The following TFB2M variants were observed in gnomAD, a reference collection of about 807,000 sequenced individuals.
TFB2M encodes the protein transcription factor B2, mitochondrial, also known as dimethyladenosine transferase 2, mitochondrial.
In TFB2M, 44 loss-of-function variants were observed where a neutral mutation model predicts 41.3. The ratio of observed to expected loss-of-function variants is 1.07; its 90% CI spans 0.84 to 1.37. TFB2M has a LOEUF of 1.37. TFB2M is among the 40% of genes most tolerant of loss of function. TFB2M has a pLI of 0.00. For missense variants in TFB2M, 496 were observed against 490.2 expected (o/e 1.01, Z -0.11); for synonymous variants, 188 against 176.8 (o/e 1.06, Z -0.50).
chr1:246,558,470 G>A (rs1659380305), intron 2 of TFB2M, among the ~76,000 whole-genome samples: 1 of 151,962 alleles, frequency 6.6e-6, no homozygotes, highest in South Asian at 2.1e-4. Context: ...TTATCATAAT[G>A]GCTTCAGCTA....
chr1:246,541,521 A>G (rs1658858749), intron 7 of TFB2M, among the ~76,000 whole-genome samples: 1 of 152,204 alleles, frequency 6.6e-6, no homozygotes, highest in South Asian at 2.1e-4. Context: ...ATAAGAAGAA[A>G]AAAAAAAGCC....
chr1:246,563,001 A>G (rs1460952030), intron 2 of TFB2M, among the ~76,000 whole-genome samples: 2 of 152,106 alleles, frequency 1.3e-5, no homozygotes, highest in Middle Eastern at 3.2e-3. Context: ...ATGTCTCCTT[A>G]GCCTTGACGG....
At chr1:246,563,002 G>A (rs1659496597) in intron 2 of TFB2M, among the ~76,000 whole-genome samples, 1 of 152,094 alleles carries the variant, frequency 6.6e-6, no homozygotes, top group South Asian at 2.1e-4. Context: ...TGTCTCCTTA[G>A]CCTTGACGGA....
At chr1:246,544,133 T>C (rs911767226) in intron 7 of TFB2M, among the ~76,000 whole-genome samples, 1 of 152,246 alleles carries the variant, frequency 6.6e-6, no homozygotes, top group Non-Finnish European at 1.5e-5. Flanking sequence ...TATCTATCCC[T>C]ACTCTGGTTA....
rs555023606 is a variant in TFB2M at position 246,561,531 on chromosome 1, G to A, written c.402+2815C>T. On this transcript the variant is annotated intron_variant, in intron 2 of 7. Transcript: ENST00000366514. ...AGCCCAGGCTGGAGTGTAATGGCAC[G>A]ATCTCGGCTCACTGCAACCTCCACC... is the stretch of plus-strand genomic sequence containing the variant. 7.9e-5 allele frequency among the ~76,000 whole-genome samples: 12 copies of A among 152,058 alleles called. No individual in the cohort carries two copies. In the South Asian group the frequency reaches 1.9e-3, roughly 24 times the overall value.
chr1:246,552,333 G>A (rs1376551400), intron 4 of TFB2M, among the ~76,000 whole-genome samples: 1 of 152,040 alleles, frequency 6.6e-6, no homozygotes, highest in Non-Finnish European at 1.5e-5. Context: ...AAACATTCTG[G>A]GCAGAAAAGA....
chr1:246,555,260 C>A (rs566560175), intron 4 of TFB2M, among the ~76,000 whole-genome samples: 3 of 152,110 alleles, frequency 2.0e-5, no homozygotes, highest in African/African-American at 7.2e-5. Context: ...GGTGCATCCA[C>A]GACGGATAAC....
intron 6 of TFB2M, among the ~76,000 whole-genome samples, chr1:246,547,109 G>C (rs1013393614): frequency 3.4e-4 from 52 of 151,260 alleles, no homozygotes; most frequent in Non-Finnish European, 5.9e-5. Flanking sequence ...TCAGCCTCCT[G>C]AGTAGCTGGG....
chr1:246,564,256 G>T (rs3120713), intron 2 of TFB2M, 90 bp downstream of exon 2: 1,132,001 of 1,132,942 alleles, frequency 1, 565,535 homozygotes, highest in East Asian at 1. Context: ...GATATTCTAT[G>T]TAAAACACTG....
chr1:246,562,509 CA>C, intron 2 of TFB2M, among the ~76,000 whole-genome samples: 1 of 152,196 alleles, frequency 6.6e-6, no homozygotes, highest in Admixed American at 6.5e-5. Context: ...AACATGAAGC[CA>C]AAAGTGGAAA....
rs750668966 is a variant in TFB2M at position 246,556,715 on chromosome 1, G to A, written c.563C>T (p.Pro188Leu). 18 of 1,560,378 alleles carry A rather than the reference G, an allele frequency of 1.2e-5. No homozygotes were observed. The highest frequency in any genetic ancestry group is 2.6e-6 in the Non-Finnish European group (3 of 1,163,924). The change falls in exon 4 of 8, where the codon CCT becomes CTT. Residue 188 changes from proline to leucine, a missense_variant. By Grantham distance (98) the Pro-to-Leu change is moderately conservative (BLOSUM62 -3). Coordinates refer to ENST00000366514, the MANE Select transcript of TFB2M (RefSeq NM_022366.3). The part of the protein sequence containing the change: ...IEAVPWTADI[P>L]LKVVGMFPSR... ...TGGGAACATTCCAACTACTTTTAAA[G>A]GGATGTCTGTTAGGAATATAAGCAA...
At chr1:246,557,661 G>GT (rs990898420) in intron 2 of TFB2M, 127 bp from the exon 3 acceptor site, 5 of 838,048 alleles carry the variant, frequency 6.0e-6, no homozygotes, top group East Asian at 6.4e-5. Flanking sequence ...ATTACCTGGG[G>GT]TTTTTTTGTT....
chr1:246,543,121 CA>C (rs1306106956), intron 7 of TFB2M, among the ~76,000 whole-genome samples: 2 of 151,700 alleles, frequency 1.3e-5, no homozygotes, highest in Non-Finnish European at 2.9e-5. Flanking sequence ...CTTGGCCTCA[CA>C]AAAATGCTCG....
chr1:246,556,995 G>A (rs917037181), intron 3 of TFB2M, among the ~76,000 whole-genome samples: 7 of 151,908 alleles, frequency 4.6e-5, no homozygotes, highest in East Asian at 3.9e-4. Context: ...CAAATTCGGC[G>A]GGGTACGGTG....
chr1:246,556,239 C>G (rs527902185), intron 4 of TFB2M, among the ~76,000 whole-genome samples: 2 of 152,242 alleles, frequency 1.3e-5, no homozygotes, highest in African/African-American at 4.8e-5. Context: ...AGAGAATAGT[C>G]TAATTCATAG....
intron 7 of TFB2M, 109 bp from the exon 8 acceptor site, chr1:246,541,311 T>C: frequency 2.0e-6 from 2 of 1,020,070 alleles, no homozygotes; most frequent in Non-Finnish European, 2.9e-6. Context: ...AACTTAGGCA[T>C]ACAGAGTGCT....
intron 6 of TFB2M, among the ~76,000 whole-genome samples, chr1:246,545,751 G>A (rs181193880): frequency 6.9e-5 from 10 of 145,740 alleles, no homozygotes; most frequent in Admixed American, 2.1e-4. Context: ...CGTGGAGTTT[G>A]CAGTGAGCCG....
rs1273873992 is a variant in TFB2M, at chr1:246,544,650, T to TGCA, written c.889_890insTGC (p.Tyr297delinsLeuHis). On this transcript the variant is annotated protein_altering_variant, in exon 7 of 8. Transcript: ENST00000366514. ...TTGACGAGGAATCATTTGAATAAGA[T>TGCA]ACAGCTTTTGTTGTAATTGGTCTAA... 1.2e-6 allele frequency: 2 copies of TGCA among 1,603,778 alleles called. No individual in the cohort carries two copies. Among genetic ancestry groups the TGCA allele is most frequent in the Admixed American group, 3.5e-5 (2 of 56,478 alleles).
chr1:246,562,003 C>T (rs565730314), intron 2 of TFB2M, among the ~76,000 whole-genome samples: 3 of 152,142 alleles, frequency 2.0e-5, no homozygotes, highest in African/African-American at 7.2e-5. Flanking sequence ...CTTAAATCTT[C>T]GGACAATTAT....
Sources: allele counts gnomAD v4.1 joint callset (sites outside exome capture counted in the v4.1 genomes callset), GRCh38; gene constraint gnomAD v4.1.1; transcripts MANE v1.5; gene names NCBI Gene and HGNC (gene_info 2026-07-23, HGNC 2026-07-21).